The following KIF18A variants were observed in gnomAD, a reference collection of about 807,000 sequenced individuals.
KIF18A encodes the protein kinesin family member 18A.
Under a neutral mutation model 103.3 loss-of-function variants are expected in KIF18A, and 67 were observed. The observed-to-expected ratio is 0.65, with a 90% CI of 0.53 to 0.79. The LOEUF (loss-of-function observed/expected upper bound fraction) is 0.79. Among genes scored for constraint, KIF18A ranks in the 30% least tolerant of loss-of-function variants. KIF18A has a pLI of 0.00. For missense variants in KIF18A, 1,032 were observed against 1,062.5 expected (o/e 0.97, Z 0.40); for synonymous variants, 367 against 355.5 (o/e 1.03, Z -0.36).
intron 10 of KIF18A, 28 bp downstream of exon 10, chr11:28,076,978 TA>T: frequency 2.0e-6 from 2 of 1,001,418 alleles, no homozygotes; most frequent in Non-Finnish European, 2.8e-6. Context: ...TTATACTTTC[TA>T]AAATTTAATT....
chr11:28,056,712 T>C (rs1024845446), intron 13 of KIF18A: 1 of 165,278 alleles, frequency 6.1e-6, no homozygotes, highest in Admixed American at 6.5e-5. Context: ...AGAAGACAGA[T>C]TGTATTCAGA....
chr11:28,071,115 G>A (rs1851007622), intron 10 of KIF18A, among the ~76,000 whole-genome samples: 1 of 152,132 alleles, frequency 6.6e-6, no homozygotes, highest in Non-Finnish European at 1.5e-5. Context: ...ACCCAAGCAT[G>A]GTACAGGGAC....
At chr11:28,046,745 A>AC (rs1313867181) in intron 13 of KIF18A, among the ~76,000 whole-genome samples, 1 of 150,434 alleles carries the variant, frequency 6.6e-6, no homozygotes, top group Non-Finnish European at 1.5e-5. Flanking sequence ...AAATGAAAAA[A>AC]AAAAAAAGAA....
intron 1 of KIF18A, among the ~76,000 whole-genome samples, chr11:28,101,873 T>C (rs1851449898): frequency 6.6e-6 from 1 of 152,182 alleles, no homozygotes; most frequent in South Asian, 2.1e-4. Context: ...TCTGATTTTT[T>C]ATTTTGCCCA....
intron 1 of KIF18A, among the ~76,000 whole-genome samples, chr11:28,103,051 G>C (rs565640860): frequency 3.9e-5 from 6 of 152,190 alleles, no homozygotes; most frequent in Non-Finnish European, 8.8e-5. Flanking sequence ...TATAGCCTCT[G>C]ATCAATTTTG....
rs1041423944 is a variant in KIF18A at position 28,083,824 on chromosome 11, T to C, written c.1075-581A>G. 2.0e-5 allele frequency among the ~76,000 whole-genome samples: 3 copies of C among 152,240 alleles called. No individual in the cohort carries two copies. The East Asian group carries it at 5.8e-4, about 29-fold the overall frequency. ...GAAAATCATGTGTTACAAACCTTTC[T>C]GTACACCCATATAGTATGACCTTTT... On this transcript the variant is annotated intron_variant, in intron 7 of 16. Coordinates refer to ENST00000263181, the MANE Select transcript of KIF18A (RefSeq NM_031217.4).
rs1020409214 is a variant in KIF18A, at chr11:28,083,046, A to T, written c.1150-78T>A. ...ACAGCCAAATTTAGCTGTAAAAAAT[A>T]ACTGAATTAACCAGATTTTAATTTT... On this transcript the variant is annotated intron_variant, in intron 8 of 16. Coordinates refer to ENST00000263181, the MANE Select transcript of KIF18A (RefSeq NM_031217.4). 6 of 1,453,848 alleles carry T rather than the reference A, an allele frequency of 4.1e-6. No individual in the cohort carries two copies. The African/African-American group carries it at 8.7e-5, about 21-fold the overall frequency. 90.1% of individuals were successfully genotyped at this position (1,453,848 alleles called of 1,614,324 possible). A position where few individuals can be genotyped will look rare whatever the true frequency, so the allele number is the denominator to read the frequency against.
At chr11:28,097,100 A>AT (rs1851385882) in intron 2 of KIF18A, among the ~76,000 whole-genome samples, 1 of 151,930 alleles carries the variant, frequency 6.6e-6, no homozygotes, top group Non-Finnish European at 1.5e-5. Flanking sequence ...TAGTGTACAG[A>AT]TTTTTTCATC....
chr11:28,091,032 G>C (rs1175861092), intron 4 of KIF18A, among the ~76,000 whole-genome samples: 4 of 151,900 alleles, frequency 2.6e-5, no homozygotes. Context: ...CAGATCTTGA[G>C]CCCCAGAGTT....
At chr11:28,037,047 T>C (rs147708211) in intron 13 of KIF18A, among the ~76,000 whole-genome samples, 1 of 151,696 alleles carries the variant, frequency 6.6e-6, no homozygotes, top group Non-Finnish European at 1.5e-5. Flanking sequence ...GGCACAGAGG[T>C]TAACACTTGT....
chr11:28,076,991 T>A lies in KIF18A; in HGVS notation c.1425+16A>T. 6 of 1,232,100 alleles carry A rather than the reference T, an allele frequency of 4.9e-6. No individual in the cohort carries two copies. The highest frequency in any genetic ancestry group is 6.6e-6 in the Non-Finnish European group (6 of 914,890). 76.3% of individuals were successfully genotyped at this position (1,232,100 alleles called of 1,614,324 possible). A position where few individuals can be genotyped will look rare whatever the true frequency, so the allele number is the denominator to read the frequency against. ...TTTTATACTTTCTAAAATTTAATTA[T>A]AAAATTGTTAATTACCTTTTCTACT... On this transcript the variant is annotated intron_variant, in intron 10 of 16. Transcript: ENST00000263181.
In KIF18A at chr11:28,084,655, G is replaced by A. The variant is rs151125849; in HGVS notation, c.1051C>T (p.Arg351Trp). 2.0e-5 allele frequency: 32 copies of A among 1,610,966 alleles called. No individual in the cohort carries two copies. The highest frequency in any genetic ancestry group is 1.6e-4 in the East Asian group (7 of 44,774). ...DTYNTLKYAN[R>W]AKDIKSSLKS... ...ACAGAAGATTTAATGTCCTTTGCCC[G>A]GTTAGCATACTTAAGAGTGTTATAT... Residue 351 changes from arginine (R) to tryptophan (W), a missense_variant, in exon 7 of 17, where the codon CGG becomes TGG. Coordinates refer to ENST00000263181, the MANE Select transcript of KIF18A (RefSeq NM_031217.4).
intron 12 of KIF18A, among the ~76,000 whole-genome samples, chr11:28,060,219 G>T (rs540952099): frequency 6.6e-6 from 1 of 152,178 alleles, no homozygotes; most frequent in African/African-American, 2.4e-5. Flanking sequence ...AAAGAAATAT[G>T]TCTAACAACA....
chr11:28,093,502 G>A (rs192861767), intron 3 of KIF18A, among the ~76,000 whole-genome samples: 23 of 152,212 alleles, frequency 1.5e-4, no homozygotes, highest in Non-Finnish European at 3.1e-4. Context: ...TGAATGCAAA[G>A]TTAGAGTGTC....
chr11:28,049,175 TTCTC>T (rs1002424380), intron 13 of KIF18A, among the ~76,000 whole-genome samples: 6 of 152,144 alleles, frequency 3.9e-5, no homozygotes, highest in African/African-American at 1.2e-4. Context: ...AAACATCTTT[TTCTC>T]TCTTTGTTTT....
chr11:28,098,643 C>A (rs930532428), intron 1 of KIF18A, among the ~76,000 whole-genome samples: 15 of 152,094 alleles, frequency 9.9e-5, no homozygotes, highest in African/African-American at 3.1e-4. Context: ...TATTCAGAGA[C>A]CTAGTCTCTG....
chr11:28,071,419 T>C (rs748475437), intron 10 of KIF18A, among the ~76,000 whole-genome samples: 2 of 150,974 alleles, frequency 1.3e-5, no homozygotes, highest in African/African-American at 4.8e-5. Flanking sequence ...AAATTATTTA[T>C]GTAACCACAC....
At chr11:28,041,840 A>C (rs1850564507) in intron 13 of KIF18A, among the ~76,000 whole-genome samples, 2 of 151,878 alleles carry the variant, frequency 1.3e-5, no homozygotes, top group African/African-American at 4.8e-5. Flanking sequence ...CACAGAAAGT[A>C]GTATATATTA....
At chr11:28,066,532 G>A (rs1850929080) in intron 11 of KIF18A, among the ~76,000 whole-genome samples, 1 of 151,530 alleles carries the variant, frequency 6.6e-6, no homozygotes, top group Non-Finnish European at 1.5e-5. Context: ...CTCCTTTTGA[G>A]TCATTATATC....
Sources: gnomAD v4.1 joint callset for allele counts (sites outside exome capture counted in the v4.1 genomes callset) on GRCh38, gnomAD v4.1.1 for gene constraint, MANE v1.5 for transcripts, NCBI Gene and HGNC (gene_info 2026-07-23, HGNC 2026-07-21) for gene names.